Variants in NRP2 observed in about 807,000 individuals in gnomAD.
The protein encoded by NRP2 is neuropilin-2.
In NRP2, 52 loss-of-function variants were observed where a neutral mutation model predicts 110.4. The observed-to-expected ratio is 0.47, with a 90% CI of 0.38 to 0.59. NRP2 has a LOEUF of 0.59. Ranked by LOEUF, NRP2 falls within the 20% of genes least tolerant of loss-of-function variation. The probability of loss-of-function intolerance (pLI) is 0.00; values close to 1 mark genes in which losing one functional copy is unlikely to be tolerated. For missense variants in NRP2, 1,049 were observed against 1,203.0 expected (o/e 0.87, Z 1.89); for synonymous variants, 508 against 468.9 (o/e 1.08, Z -1.08).
chr2:205,776,528 G>A, intron 15 of NRP2: 1 of 1,603,268 alleles, frequency 6.2e-7, no homozygotes, highest in Non-Finnish European at 8.5e-7. Context: ...CACTGCTGAG[G>A]GCCGAAGCAA....
intron 1 of NRP2, among the ~76,000 whole-genome samples, chr2:205,684,937 C>T (rs2056109413): frequency 6.6e-6 from 1 of 151,856 alleles, no homozygotes; most frequent in Non-Finnish European, 1.5e-5. Context: ...CTCCAGTAGG[C>T]CCCAGCGCGC....
intron 7 of NRP2, among the ~76,000 whole-genome samples, chr2:205,734,012 TCTC>T (rs978959620): frequency 5.3e-5 from 8 of 151,920 alleles, no homozygotes; most frequent in African/African-American, 1.9e-4. Context: ...TGTGCCTCTG[TCTC>T]CTCCTTCATG....
At chr2:205,690,579 T>TACACACAC (rs10591632) in intron 1 of NRP2, among the ~76,000 whole-genome samples, 83 of 124,278 alleles carry the variant, frequency 6.7e-4, no homozygotes, top group African/African-American at 8.6e-4. Flanking sequence ...CTGCTAAAAA[T>TACACACAC]ACACACACAC....
chr2:205,688,140 G>A (rs1180686159), intron 1 of NRP2, among the ~76,000 whole-genome samples: 2 of 152,186 alleles, frequency 1.3e-5, no homozygotes, highest in Non-Finnish European at 2.9e-5. Flanking sequence ...AAAAGATAGA[G>A]CAAAAGAAGA....
intron 2 of NRP2, among the ~76,000 whole-genome samples, chr2:205,704,725 C>A (rs1268603178): frequency 1.3e-5 from 2 of 152,248 alleles, no homozygotes; most frequent in Non-Finnish European, 1.5e-5. Context: ...TGTCTCAATG[C>A]AAGCTTCGCT....
chr2:205,712,977 G>A (rs2056827878), intron 2 of NRP2, among the ~76,000 whole-genome samples: 1 of 152,138 alleles, frequency 6.6e-6, no homozygotes, highest in South Asian at 2.1e-4. Context: ...ATTATATGAA[G>A]CTTTTTCAAA....
chr2:205,776,255 T>C, intron 15 of NRP2: 1 of 1,612,854 alleles, frequency 6.2e-7, no homozygotes, highest in Non-Finnish European at 8.5e-7. Flanking sequence ...GGGGGCACCC[T>C]CCTGCCAGGG....
At position 205,720,839 on chromosome 2, in the gene NRP2, C is replaced by T. The variant is rs549374484; in HGVS notation, c.434-1639C>T. Among the ~76,000 whole-genome samples the T allele has an allele frequency of 2.6e-5, 4 of 152,266 alleles. No individual in the cohort carries two copies. In the East Asian group the frequency reaches 5.8e-4, roughly 22 times the overall value. On this transcript the variant is annotated intron_variant, in intron 3 of 16. Coordinates refer to ENST00000357785, the MANE Select transcript of NRP2 (RefSeq NM_003872.3). ...CAGGACTAGCTGCCCATTGAAAACT[C>T]GGCCTGACCTGCTGCTGCCATGCAT...
intron 15 of NRP2, among the ~76,000 whole-genome samples, chr2:205,774,272 A>G (rs1020015943): frequency 1.2e-4 from 19 of 152,138 alleles, no homozygotes; most frequent in African/African-American, 4.3e-4. Context: ...CTCTCTTTCT[A>G]TGCATAATTT....
intron 7 of NRP2, among the ~76,000 whole-genome samples, chr2:205,731,397 C>T (rs1361498476): frequency 6.6e-6 from 1 of 152,080 alleles, no homozygotes; most frequent in Non-Finnish European, 1.5e-5. Context: ...TACATACATA[C>T]CAAGAAGGGC....
intron 15 of NRP2, among the ~76,000 whole-genome samples, chr2:205,771,269 A>T (rs1373674339): frequency 1.3e-5 from 2 of 152,140 alleles, no homozygotes; most frequent in African/African-American, 4.8e-5. Context: ...TTTCTCAGGG[A>T]TGCCTTTGTG....
At chr2:205,721,351 T>C (rs1193145078) in intron 3 of NRP2, among the ~76,000 whole-genome samples, 2 of 152,212 alleles carry the variant, frequency 1.3e-5, no homozygotes, top group East Asian at 3.8e-4. Flanking sequence ...CTGCTTCCTT[T>C]TCTTCTTTTA....
chr2:205,714,745 T>C (rs2056861177), intron 2 of NRP2, among the ~76,000 whole-genome samples: 1 of 152,144 alleles, frequency 6.6e-6, no homozygotes, highest in African/African-American at 2.4e-5. Flanking sequence ...TTTTGGACTG[T>C]GGGAGTCCAG....
chr2:205,780,630 C>T (rs563754080), intron 15 of NRP2, among the ~76,000 whole-genome samples: 1 of 152,282 alleles, frequency 6.6e-6, no homozygotes, highest in Non-Finnish European at 1.5e-5. Context: ...CTTCTGACAA[C>T]CTGGGAGCCC....
rs146004294 is a variant in NRP2 at position 205,766,810 on chromosome 2, A to C, written c.2425+7A>C. ...CCCATCTCGGCTTTTGCAGGTGAGAATTTTAAAGGTAAAAAAAAATTTTTT... is the reference window on the plus strand; with the variant it reads ...CCCATCTCGGCTTTTGCAGGTGAGACTTTTAAAGGTAAAAAAAAATTTTTT... On this transcript the variant is annotated splice_region_variant and intron_variant, in intron 15 of 16. Coordinates refer to ENST00000357785, the MANE Select transcript of NRP2 (RefSeq NM_003872.3). 9 of 1,611,990 alleles carry C rather than the reference A, an allele frequency of 5.6e-6. No homozygotes were observed. The East Asian group carries it at 1.8e-4, about 32-fold the overall frequency.
chr2:205,694,053 G>T (rs1480138228), intron 1 of NRP2, among the ~76,000 whole-genome samples: 1 of 152,204 alleles, frequency 6.6e-6, no homozygotes, highest in Non-Finnish European at 1.5e-5. Flanking sequence ...CGCAAGGAAA[G>T]TGATTGGGTT....
intron 1 of NRP2, among the ~76,000 whole-genome samples, chr2:205,687,244 GAAGC>G (rs907041478): frequency 6.6e-6 from 1 of 152,228 alleles, no homozygotes; most frequent in African/African-American, 2.4e-5. Flanking sequence ...TCCTGAAAGA[GAAGC>G]AATGACGGTC....
chr2:205,715,749 C>A (rs1254860997), intron 2 of NRP2, among the ~76,000 whole-genome samples: 1 of 152,138 alleles, frequency 6.6e-6, no homozygotes, highest in Non-Finnish European at 1.5e-5. Context: ...ATCTTCTCCC[C>A]AGCCTTGTGG....
chr2:205,788,416 G>A (rs2105969991), intron 15 of NRP2, among the ~76,000 whole-genome samples: 1 of 152,298 alleles, frequency 6.6e-6, no homozygotes, highest in Middle Eastern at 3.4e-3. Flanking sequence ...GGGTGTTGGA[G>A]ATCGGGAAGG....
Sources: gnomAD v4.1 joint callset for allele counts (sites outside exome capture counted in the v4.1 genomes callset) on GRCh38, gnomAD v4.1.1 for gene constraint, MANE v1.5 for transcripts, NCBI Gene and HGNC (gene_info 2026-07-23, HGNC 2026-07-21) for gene names.